The following ANK3 variants were observed in gnomAD, a reference collection of about 807,000 sequenced individuals.
ANK3 encodes the protein ankyrin-3.
Under a neutral mutation model 370.9 loss-of-function variants are expected in ANK3, and 57 were observed. That is an observed-to-expected ratio of 0.15 (90% CI 0.12 to 0.19). The LOEUF (loss-of-function observed/expected upper bound fraction) is 0.19. ANK3 is among the 10% of genes least tolerant of loss of function. The pLI is 1.00. For synonymous variants in ANK3, 1,929 were observed against 1,946.3 expected, an observed-to-expected ratio of 0.99 and a Z score of 0.23; for missense variants, 4,439 against 5,302.1, an observed-to-expected ratio of 0.84 and a Z score of 5.06.
chr10:60,053,836 ATCTTTGGTTTTCTTGTGAGG>A (rs2078589884), intron 42 of ANK3: 1 of 866,860 alleles, frequency 1.2e-6, no homozygotes, highest in Non-Finnish European at 1.5e-6. Context: ...CATCCTAAAC[ATCTTTGGTTTTCTTGTGAGG>A]TCAGGTTCAT....
chr10:60,636,091 A>AAACTAAATTAGTTTTT (rs56409528), intron 1 of ANK3, among the ~76,000 whole-genome samples: 5 of 151,980 alleles, frequency 3.3e-5, no homozygotes, highest in African/African-American at 1.2e-4. Flanking sequence ...AATTAGTTTA[A>AAACTAAATTAGTTTTT]AAACTAAAAT....
intron 1 of ANK3, among the ~76,000 whole-genome samples, chr10:60,709,383 C>T (rs1000526629): frequency 6.6e-6 from 1 of 151,994 alleles, no homozygotes. Flanking sequence ...GCCTAGGGCA[C>T]CCACCCTTGA....
At chr10:60,279,236 G>A (rs2132704961) in intron 2 of ANK3, 88 bp from the exon 3 acceptor site, 1 of 1,134,126 alleles carries the variant, frequency 8.8e-7, no homozygotes, top group Non-Finnish European at 1.3e-6. Context: ...ATATTATAAA[G>A]TCCCACCTGA....
chr10:60,284,796 G>A lies in ANK3; in HGVS notation c.115-5157C>T, dbSNP rs569368935. On this transcript the variant is annotated intron_variant, in intron 1 of 43. Transcript: ENST00000280772. ...TGCTCCTTTGCTTCTAAACTTTTCT[G>A]GGGGGCGGGGGCAATCTCAGGAGCC... is the stretch of plus-strand genomic sequence containing the variant. Among the ~76,000 whole-genome samples, 6 of 151,748 alleles carry A rather than the reference G, an allele frequency of 4.0e-5. No homozygotes were observed. The South Asian group carries it at 1.3e-3, about 32-fold the overall frequency.
chr10:60,475,415 A>G (rs17810349), intron 2 of ANK3, among the ~76,000 whole-genome samples: 14,515 of 152,154 alleles, frequency 0.095, 773 homozygotes, highest in South Asian at 0.17. Flanking sequence ...TTGCGTCCAT[A>G]AATTTTGGCT....
intron 18 of ANK3, among the ~76,000 whole-genome samples, chr10:60,180,869 G>A (rs2096155849): frequency 6.6e-6 from 1 of 151,950 alleles, no homozygotes; most frequent in African/African-American, 2.4e-5. Flanking sequence ...ACGCATGACC[G>A]CACAGACCAT....
chr10:60,165,640 G>T (rs896912914), intron 23 of ANK3, among the ~76,000 whole-genome samples: 3 of 152,074 alleles, frequency 2.0e-5, no homozygotes, highest in Non-Finnish European at 2.9e-5. Flanking sequence ...CCAATGAAAT[G>T]CATGCAACTC....
chr10:60,118,998 G>A (rs1269313010), intron 25 of ANK3, among the ~76,000 whole-genome samples: 2 of 152,014 alleles, frequency 1.3e-5, no homozygotes, highest in Non-Finnish European at 2.9e-5. Flanking sequence ...TTGAAGCTTT[G>A]TTGTAACACG....
At chr10:60,684,136 T>C (rs1365821589) in intron 1 of ANK3, among the ~76,000 whole-genome samples, 1 of 152,086 alleles carries the variant, frequency 6.6e-6, no homozygotes, top group African/African-American at 2.4e-5. Context: ...TAACATTAAA[T>C]AAAGAAAACA....
chr10:60,196,627 T>G lies in ANK3; in HGVS notation c.1690-2A>C. ...CACATGAAGAGGAGTAAATCCTTTC[T>G]GAAAAAAAAAAAACATAAAAATAAT... is the stretch of plus-strand genomic sequence containing the variant. On this transcript the variant is annotated splice_acceptor_variant, in intron 14 of 43. Transcript: ENST00000280772. LOFTEE classifies it high-confidence loss of function. 1 of 1,501,350 alleles carries G rather than the reference T, an allele frequency of 6.7e-7. No individual in the cohort carries two copies. The highest frequency in any genetic ancestry group is 1.2e-5 in the South Asian group (1 of 82,768). The allele number at this position is 1,501,350 out of a possible 1,614,324, so 93.0% of individuals were successfully genotyped here.
chr10:60,032,191 CTTCTTTTTTTTTT>C (rs533636907), intron 43 of ANK3, among the ~76,000 whole-genome samples: 2,485 of 57,936 alleles, frequency 0.043, 67 homozygotes, highest in Non-Finnish European at 0.074. Context: ...AAATACACAG[CTTCTTTTTTTTTT>C]TTTTTTTTTT....
chr10:60,415,704 C>T lies in ANK3; in HGVS notation c.97-136065G>A, dbSNP rs141154061. ...AAGTATTTTTTGTGACCAAAAGTGG[C>T]CAGAGGCTGTTTGTTATAGGAGAGT... On this transcript the variant is annotated intron_variant, in intron 2 of 43. Coordinates refer to the ANK3 transcript ENST00000373827. Among the ~76,000 whole-genome samples, 126 of 152,148 alleles carry T rather than the reference C, an allele frequency of 8.3e-4. 2 individuals carry two copies. Among genetic ancestry groups the T allele is most frequent in the African/African-American group, 2.9e-3 (122 of 41,520 alleles).
chr10:60,039,609 T>A (rs533493063), intron 43 of ANK3, among the ~76,000 whole-genome samples: 1 of 152,304 alleles, frequency 6.6e-6, no homozygotes, highest in Non-Finnish European at 1.5e-5. Flanking sequence ...GTAGTTAAGA[T>A]CTATGTTCTA....
intron 1 of ANK3, among the ~76,000 whole-genome samples, chr10:60,354,425 C>T (rs1425785507): frequency 6.6e-6 from 1 of 152,226 alleles, no homozygotes; most frequent in Non-Finnish European, 1.5e-5. Context: ...GCTTGAAACG[C>T]TGTCTTCAGT....
chr10:60,515,409 A>T (rs1210645241), intron 2 of ANK3, among the ~76,000 whole-genome samples: 1 of 152,150 alleles, frequency 6.6e-6, no homozygotes, highest in Non-Finnish European at 1.5e-5. Context: ...GAAATGCTAT[A>T]TCCAGAAAGA....
chr10:60,064,108 A>G (rs1451710028), intron 39 of ANK3, 49 bp downstream of exon 39: 1 of 1,494,862 alleles, frequency 6.7e-7, no homozygotes, highest in Admixed American at 2.5e-5. Flanking sequence ...TATCTAAAAT[A>G]TTACATTTAT....
chr10:60,727,606 T>C (rs937675120), intron 1 of ANK3, among the ~76,000 whole-genome samples: 3 of 152,186 alleles, frequency 2.0e-5, no homozygotes, highest in Admixed American at 6.5e-5. Context: ...TACCAACACA[T>C]ACACAAGCAA....
chr10:60,396,781 G>A lies in ANK3; in HGVS notation c.97-117142C>T, dbSNP rs147931207. On this transcript the variant is annotated intron_variant, in intron 2 of 43. Transcript: ENST00000373827. ...CTAAGTAAGGCAAAATAGCTCTTAC[G>A]CCAACTTTGTCGCTAAGTAGCTATG... 2.9e-3 allele frequency among the ~76,000 whole-genome samples: 447 copies of A among 152,196 alleles called. 3 individuals are homozygous for A. Among genetic ancestry groups the A allele is most frequent in the African/African-American group, 9.8e-3 (405 of 41,534 alleles).
chr10:60,278,444 G>A (rs4262679), intron 4 of ANK3, among the ~76,000 whole-genome samples: 7,341 of 152,014 alleles, frequency 0.048, 598 homozygotes, highest in African/African-American at 0.16. Context: ...GTGCAATCTC[G>A]GCTCACTGCA....
Sources: allele counts gnomAD v4.1 joint callset (sites outside exome capture counted in the v4.1 genomes callset), GRCh38; gene constraint gnomAD v4.1.1; transcripts MANE v1.5; gene names NCBI Gene and HGNC (gene_info 2026-07-23, HGNC 2026-07-21).